The following CREB1 variants were observed in gnomAD, a reference collection of about 807,000 sequenced individuals.
CREB1 encodes cyclic AMP-responsive element-binding protein 1.
CREB1 carries 2 observed loss-of-function variants against 42.0 expected under a neutral mutation model. The observed-to-expected ratio is 0.05, with a 90% CI of 0.02 to 0.15. The LOEUF is 0.15. CREB1 is among the 10% of genes least tolerant of loss of function. The pLI is 1.00. For synonymous variants in CREB1, 123 were observed against 139.9 expected (o/e 0.88, Z 0.85); for missense variants, 199 against 388.9 (o/e 0.51, Z 4.11).
chr2:207,561,863 G>A (rs559285950), intron 3 of CREB1, among the ~76,000 whole-genome samples: 2 of 152,164 alleles, frequency 1.3e-5, no homozygotes, highest in South Asian at 2.1e-4. Context: ...TTGAGTCATC[G>A]AACTTCTATT....
Position 207,590,082 on chromosome 2 carries a change from AGTTTTT to A in CREB1, c.840-6831_840-6826del, listed in dbSNP as rs1415058088. Among the ~76,000 whole-genome samples the A allele has an allele frequency of 5.4e-3, 520 of 95,552 alleles. 1 individual carries two copies. Among genetic ancestry groups the A allele is most frequent in the Middle Eastern group, 0.018 (3 of 164 alleles). 62.7% of individuals were successfully genotyped at this position (95,552 alleles called of 152,430 possible). ...AGGCCTGGAGTTTTCTATTTTGAGAAGTTTTTTTTTTTTTTTTTTTTTTTTAATAGA... is the reference window on the plus strand; with the variant it reads ...AGGCCTGGAGTTTTCTATTTTGAGAATTTTTTTTTTTTTTTTTTTAATAGA... On this transcript the variant is annotated intron_variant, in intron 7 of 7. Transcript: ENST00000353267.
chr2:207,572,008 A>G (rs1226405199), intron 5 of CREB1, among the ~76,000 whole-genome samples: 1 of 152,066 alleles, frequency 6.6e-6, no homozygotes, highest in Non-Finnish European at 1.5e-5. Flanking sequence ...GTGGTGGATC[A>G]TGAGGTCAGG....
chr2:207,548,655 G>T (rs1559272271), intron 1 of CREB1, among the ~76,000 whole-genome samples: 1 of 152,106 alleles, frequency 6.6e-6, no homozygotes, highest in African/African-American at 2.4e-5. Context: ...AGAGGCTGAG[G>T]CAGGAGAATC....
In CREB1 at chr2:207,560,378, T is replaced by A. The variant is rs1157126304; in HGVS notation, c.261+6T>A. 4.4e-6 allele frequency: 7 copies of A among 1,605,290 alleles called. No homozygotes were observed. The South Asian group carries it at 6.7e-5, about 15-fold the overall frequency. On this transcript the variant is annotated splice_donor_region_variant and intron_variant, in intron 3 of 7. Coordinates refer to ENST00000353267, the MANE Select transcript of CREB1 (RefSeq NM_004379.5). ...CACAAGTCCAAACAGTTCAGGTATG[T>A]GTATAAAAAGTTCTGCATCTATTTT...
chr2:207,570,053 A>C lies in CREB1; in HGVS notation c.363-126A>C, dbSNP rs917926714. 9.2e-6 allele frequency: 6 copies of C among 655,434 alleles called. No individual in the cohort carries two copies. In the South Asian group the frequency reaches 1.3e-4, roughly 14 times the overall value. The allele number at this position is 655,434 out of a possible 1,614,324, so 40.6% of individuals were successfully genotyped here. The stretch of plus-strand genomic sequence containing the variant: ...AAGACTCCATCTCAAAAAAAAAAAA[A>C]AAAAAAAAACCTTCTGTCCTAAGCA... On this transcript the variant is annotated intron_variant, in intron 4 of 7. Transcript: ENST00000353267.
At position 207,561,205 on chromosome 2, in the gene CREB1, G is replaced by A. The variant is rs750460311; in HGVS notation, c.261+833G>A. On this transcript the variant is annotated intron_variant, in intron 3 of 7. Transcript: ENST00000353267. ...TTTGGAGAGAACTATTATTAGAAAG[G>A]AAGGTGAGAAATTATTCTTTATGTC... 2.7e-6 allele frequency: 4 copies of A among 1,487,812 alleles called. No individual in the cohort carries two copies. The South Asian group carries it at 3.5e-5, about 13-fold the overall frequency. The allele number at this position is 1,487,812 out of a possible 1,614,324, so 92.2% of individuals were successfully genotyped here. A position where few individuals can be genotyped will look rare whatever the true frequency, so the allele number is the denominator to read the frequency against.
At chr2:207,540,886 TA>T (rs1230888019) in intron 1 of CREB1, among the ~76,000 whole-genome samples, 4 of 152,138 alleles carry the variant, frequency 2.6e-5, no homozygotes, top group Non-Finnish European at 5.9e-5. Flanking sequence ...AAGCTACGGT[TA>T]ATGTATTACT....
chr2:207,575,451 C>A lies in CREB1; in HGVS notation c.685C>A (p.Gln229Lys). ...AGTGCCCAGCAACCAAGTTGTTGTT[C>A]AAGGTAAGGGAATTCAGAATTCACA... Reference protein sequence around the residue: ...ILVPSNQVVVQAASGDVQTYQ... With the variant: ...ILVPSNQVVVKAASGDVQTYQ... Residue 229 changes from glutamine to lysine, a missense_variant, in exon 6 of 8, where the codon CAA becomes AAA. Coordinates refer to ENST00000353267, the MANE Select transcript of CREB1 (RefSeq NM_004379.5). The A allele has an allele frequency of 6.2e-7, 1 of 1,608,658 alleles. No homozygotes were observed. Among genetic ancestry groups the A allele is most frequent in the South Asian group, 1.1e-5 (1 of 90,448 alleles).
chr2:207,575,381 T>C lies in CREB1; in HGVS notation c.615T>C (p.Thr205=). The stretch of plus-strand genomic sequence containing the variant: ...ATGCAGCAGCCACTCAGCCGGGTAC[T>C]ACCATTCTACAGTATGCACAGACCA... ...MTNAAATQPG[T]TILQYAQTTD... Residue 205 remains threonine (T), a synonymous_variant, in exon 6 of 8, where the codon ACT becomes ACC. Coordinates refer to ENST00000353267, the MANE Select transcript of CREB1 (RefSeq NM_004379.5). The C allele has an allele frequency of 6.2e-7, 1 of 1,614,164 alleles. No individual in the cohort carries two copies. Among genetic ancestry groups the C allele is most frequent in the Non-Finnish European group, 8.5e-7 (1 of 1,180,008 alleles).
intron 2 of CREB1, among the ~76,000 whole-genome samples, chr2:207,556,096 T>A (rs1035207419): frequency 2.6e-5 from 4 of 152,146 alleles, no homozygotes; most frequent in Non-Finnish European, 4.4e-5. Context: ...AGATTTATTT[T>A]TTAACAGTGG....
chr2:207,592,775 T>C (rs1459827977), intron 7 of CREB1, among the ~76,000 whole-genome samples: 1 of 152,030 alleles, frequency 6.6e-6, no homozygotes, highest in Non-Finnish European at 1.5e-5. Context: ...AAAAATTAGC[T>C]GGCCATGGTG....
chr2:207,534,734 T>A (rs967607607), intron 1 of CREB1: 2 of 152,220 alleles, frequency 1.3e-5, no homozygotes, highest in African/African-American at 4.8e-5. Context: ...AATAAGTAAT[T>A]CATTCACATG....
intron 7 of CREB1, among the ~76,000 whole-genome samples, chr2:207,583,364 T>C (rs2083278566): frequency 6.6e-6 from 1 of 152,212 alleles, no homozygotes; most frequent in South Asian, 2.1e-4. Flanking sequence ...TTTGCCTGTT[T>C]GTAACTTCTT....
Position 207,598,218 on chromosome 2 carries a change from G to A in CREB1, c.*1160G>A, listed in dbSNP as rs56291091. The A allele has an allele frequency of 6.8e-3, 1,256 of 183,390 alleles. 6 individuals are homozygous for A. The highest frequency in any genetic ancestry group is 0.011 in the Non-Finnish European group (931 of 86,282). The allele number at this position is 183,390 out of a possible 1,614,324, so 11.4% of individuals were successfully genotyped here. On this transcript the variant is annotated 3_prime_UTR_variant, in exon 8 of 8. Transcript: ENST00000353267. Reference sequence around the variant, plus strand: ...AAGTACAGTGTTAGATGTGCACAAGGAAAGTTATTTTCAGACATATTTGAA... The same window carrying A: ...AAGTACAGTGTTAGATGTGCACAAGAAAAGTTATTTTCAGACATATTTGAA...
rs2082635440 is a variant in CREB1 at position 207,577,364 on chromosome 2, T to C, written c.689-141T>C. On this transcript the variant is annotated intron_variant, in intron 6 of 7. Coordinates refer to ENST00000353267, the MANE Select transcript of CREB1 (RefSeq NM_004379.5). ...GTAGTGGCGCGAAGAGTGCTGATTC[T>C]TTCAACGCTTTAGCCAGAATCATCT... 5 of 1,211,800 alleles carry C rather than the reference T, an allele frequency of 4.1e-6. 1 individual carries two copies. The South Asian group carries it at 6.3e-5, about 15-fold the overall frequency. The allele number at this position is 1,211,800 out of a possible 1,614,324, so 75.1% of individuals were successfully genotyped here.
intron 5 of CREB1, among the ~76,000 whole-genome samples, chr2:207,574,090 T>C (rs1003039423): frequency 5.3e-5 from 8 of 152,246 alleles, no homozygotes; most frequent in African/African-American, 1.4e-4. Flanking sequence ...TTTGCTAAAC[T>C]AATCACACTG....
intron 2 of CREB1, among the ~76,000 whole-genome samples, chr2:207,556,200 T>C (rs985017127): frequency 1.3e-5 from 2 of 152,226 alleles, no homozygotes; most frequent in Non-Finnish European, 2.9e-5. Context: ...TTAAGGATGA[T>C]AGCAGTTTTT....
At chr2:207,533,523 A>G (rs2080742238) in intron 1 of CREB1, among the ~76,000 whole-genome samples, 1 of 152,208 alleles carries the variant, frequency 6.6e-6, no homozygotes, top group Non-Finnish European at 1.5e-5. Context: ...CGAAATTTAT[A>G]ATTTCATTTA....
chr2:207,535,745 C>CT (rs375485293), intron 1 of CREB1, among the ~76,000 whole-genome samples: 2,969 of 148,816 alleles, frequency 0.02, 39 homozygotes, highest in African/African-American at 0.029. Context: ...GTTTCACTAC[C>CT]TTTTTTTTTT....
Sources: allele counts gnomAD v4.1 joint callset (sites outside exome capture counted in the v4.1 genomes callset), GRCh38; gene constraint gnomAD v4.1.1; transcripts MANE v1.5; gene names NCBI Gene and HGNC (gene_info 2026-07-23, HGNC 2026-07-21).